The following PPP2R2B variants were observed in gnomAD, a reference collection of about 807,000 sequenced individuals.
The protein encoded by PPP2R2B is protein phosphatase 2 regulatory subunit Bbeta, also known as serine/threonine-protein phosphatase 2A 55 kDa regulatory subunit B beta isoform.
A neutral mutation model predicts 46.0 loss-of-function variants in PPP2R2B; 5 were observed. The observed-to-expected ratio is 0.11, with a 90% CI of 0.06 to 0.23. The LOEUF (loss-of-function observed/expected upper bound fraction) is 0.23, where lower values mean the gene tolerates loss of function less well. Among genes scored for constraint, PPP2R2B ranks in the 10% least tolerant of loss-of-function variants. PPP2R2B has a pLI of 1.00. For missense variants in PPP2R2B, 367 were observed against 575.0 expected (o/e 0.64, Z 3.70); for synonymous variants, 215 against 206.7 (o/e 1.04, Z -0.34).
At chr5:146,991,612 A>G (rs113949012) in intron 1 of PPP2R2B, among the ~76,000 whole-genome samples, 13 of 152,330 alleles carry the variant, frequency 8.5e-5, no homozygotes, top group African/African-American at 2.9e-4. Context: ...AAAAATGTTT[A>G]AAGTAATGGA....
At chr5:146,727,786 ACTTCTT>A (rs1174693218) in intron 2 of PPP2R2B, among the ~76,000 whole-genome samples, 1 of 151,858 alleles carries the variant, frequency 6.6e-6, no homozygotes, top group East Asian at 1.9e-4. Flanking sequence ...GATCTCTAAA[ACTTCTT>A]CTTCTTGTGT....
chr5:147,026,059 A>G (rs1755513334), intron 1 of PPP2R2B, among the ~76,000 whole-genome samples: 1 of 152,146 alleles, frequency 6.6e-6, no homozygotes, highest in South Asian at 2.1e-4. Context: ...ATCACTGTAG[A>G]AAACAATTTG....
intron 2 of PPP2R2B, among the ~76,000 whole-genome samples, chr5:146,782,091 C>T: frequency 6.6e-6 from 1 of 152,100 alleles, no homozygotes; most frequent in Middle Eastern, 3.2e-3. Context: ...AATACTGGCT[C>T]CCCCTTTGCC....
At chr5:146,888,635 T>C (rs1332607379) in intron 1 of PPP2R2B, among the ~76,000 whole-genome samples, 1 of 152,186 alleles carries the variant, frequency 6.6e-6, no homozygotes, top group Non-Finnish European at 1.5e-5. Flanking sequence ...TAAAACTTTC[T>C]TAAAATGCTG....
chr5:146,595,209 C>T (rs1194964169), intron 8 of PPP2R2B, among the ~76,000 whole-genome samples: 1 of 152,184 alleles, frequency 6.6e-6, no homozygotes, highest in Non-Finnish European at 1.5e-5. Flanking sequence ...TTGTTAGGTG[C>T]ATTTGGGGGC....
chr5:146,956,772 G>A lies in PPP2R2B; in HGVS notation c.79+98893C>T, dbSNP rs112363900. Among the ~76,000 whole-genome samples, 252 of 152,258 alleles carry A rather than the reference G, an allele frequency of 1.7e-3. 2 individuals carry two copies. The highest frequency in any genetic ancestry group is 2.2e-3 in the Non-Finnish European group (152 of 68,014). On this transcript the variant is annotated intron_variant, in intron 1 of 8. Transcript: ENST00000336640. ...TGGAGGCTGGAAGTCCAAGATCAAG[G>A]GGCCAGCAGATTTGGTGTCTGATGA...
At chr5:146,800,017 G>A (rs74812438) in intron 2 of PPP2R2B, among the ~76,000 whole-genome samples, 2 of 152,020 alleles carry the variant, frequency 1.3e-5, no homozygotes, top group African/African-American at 4.8e-5. Context: ...TAGTTCATTA[G>A]TGGGTGTGGA....
intron 1 of PPP2R2B, among the ~76,000 whole-genome samples, chr5:147,050,734 G>A (rs1213054264): frequency 1.3e-5 from 2 of 151,810 alleles, no homozygotes; most frequent in Non-Finnish European, 2.9e-5. Flanking sequence ...ATTGTGCCTA[G>A]CAAATAGTAT....
At chr5:146,967,482 T>A (rs551082562) in intron 1 of PPP2R2B, among the ~76,000 whole-genome samples, 76 of 152,312 alleles carry the variant, frequency 5.0e-4, no homozygotes, top group African/African-American at 1.8e-3. Context: ...ACAGAGAAGT[T>A]AAGTAATTTC....
In PPP2R2B at chr5:146,810,937, T is replaced by C. The variant is rs550690020; in HGVS notation, c.70+67065A>G. Among the ~76,000 whole-genome samples, 69 of 139,678 alleles carry C rather than the reference T, an allele frequency of 4.9e-4. 1 individual carries two copies. The highest frequency in any genetic ancestry group is 1.7e-3 in the African/African-American group (64 of 37,838). The allele number at this position is 139,678 out of a possible 152,430, so 91.6% of individuals were successfully genotyped here. On this transcript the variant is annotated intron_variant, in intron 2 of 9. Coordinates refer to ENST00000394411, the MANE Select transcript of PPP2R2B (RefSeq NM_181675.4). ...CCCTTCCTGTGTCCAAGTGTTCTCA[T>C]TGTTCAATTCCCACCTATGAGTGAG... is the stretch of plus-strand genomic sequence containing the variant.
intron 1 of PPP2R2B, among the ~76,000 whole-genome samples, chr5:147,021,657 C>T (rs1755273130): frequency 6.6e-6 from 1 of 152,108 alleles, no homozygotes; most frequent in Admixed American, 6.6e-5. Flanking sequence ...TTCATTCAAG[C>T]AAACCTTGCA....
chr5:146,602,874 T>C (rs185464480), intron 7 of PPP2R2B, among the ~76,000 whole-genome samples: 4 of 152,338 alleles, frequency 2.6e-5, no homozygotes, highest in South Asian at 2.1e-4. Context: ...TGGATTCTGA[T>C]TGGTATCTTC....
chr5:146,802,378 A>G (rs1283835712), intron 2 of PPP2R2B, among the ~76,000 whole-genome samples: 1 of 152,208 alleles, frequency 6.6e-6, no homozygotes, highest in Non-Finnish European at 1.5e-5. Flanking sequence ...ACCTGAGGGC[A>G]CTGCCTGGCT....
intron 1 of PPP2R2B, among the ~76,000 whole-genome samples, chr5:147,037,159 G>GAA (rs11448746): frequency 7.9e-5 from 12 of 151,592 alleles, no homozygotes; most frequent in South Asian, 6.3e-4. Context: ...TAGCTTCAGG[G>GAA]AAAAAAAATT....
chr5:146,630,014 A>G (rs1182524492), intron 7 of PPP2R2B, among the ~76,000 whole-genome samples: 4 of 152,136 alleles, frequency 2.6e-5, no homozygotes, highest in Non-Finnish European at 5.9e-5. Flanking sequence ...GGGTTTTGCC[A>G]TGTTGGCCAG....
chr5:146,672,170 A>C (rs1054689249), intron 5 of PPP2R2B, among the ~76,000 whole-genome samples: 3 of 152,202 alleles, frequency 2.0e-5, no homozygotes, highest in African/African-American at 7.2e-5. Context: ...ACAATGGGAG[A>C]CATCCAAGGA....
chr5:146,831,072 G>A (rs989215133), intron 2 of PPP2R2B, among the ~76,000 whole-genome samples: 4 of 152,030 alleles, frequency 2.6e-5, no homozygotes, highest in Middle Eastern at 3.4e-3. Flanking sequence ...AGCACATACC[G>A]TTATGTACAG....
intron 2 of PPP2R2B, among the ~76,000 whole-genome samples, chr5:147,079,441 T>C (rs1159371662): frequency 4.2e-5 from 2 of 47,976 alleles, no homozygotes; most frequent in Non-Finnish European, 8.9e-5. Context: ...ATTTTATATA[T>C]ATACATATAT....
intron 2 of PPP2R2B, among the ~76,000 whole-genome samples, chr5:146,818,355 C>CAA (rs113412098): frequency 0.16 from 22,810 of 143,998 alleles, 2,018 homozygotes; most frequent in East Asian, 0.41. Flanking sequence ...AAATTCACTG[C>CAA]AAAAAAAAAA....
Sources: gnomAD v4.1 joint callset for allele counts (sites outside exome capture counted in the v4.1 genomes callset) on GRCh38, gnomAD v4.1.1 for gene constraint, MANE v1.5 for transcripts, NCBI Gene and HGNC (gene_info 2026-07-23, HGNC 2026-07-21) for gene names.